Variants in FAM120B observed in about 807,000 individuals in gnomAD.
The protein encoded by FAM120B is constitutive coactivator of peroxisome proliferator-activated receptor gamma.
Under a neutral mutation model 96.3 loss-of-function variants are expected in FAM120B, and 83 were observed. The ratio of observed to expected loss-of-function variants is 0.86; its 90% CI spans 0.72 to 1.03. The LOEUF is 1.03. Among genes scored for constraint, FAM120B ranks in the 50% least tolerant of loss-of-function variants. The pLI is 0.00. For missense variants in FAM120B, 1,027 were observed against 1,121.2 expected, an observed-to-expected ratio of 0.92 and a Z score of 1.20; for synonymous variants, 407 against 402.7, an observed-to-expected ratio of 1.01 and a Z score of -0.13.
At chr6:170,361,439 A>G (rs1788455659) in intron 6 of FAM120B, among the ~76,000 whole-genome samples, 1 of 152,068 alleles carries the variant, frequency 6.6e-6, no homozygotes, top group Admixed American at 6.5e-5. Context: ...GGAAAGCAGT[A>G]TTACTTACAG....
intron 6 of FAM120B, among the ~76,000 whole-genome samples, chr6:170,374,633 C>T (rs769699554): frequency 6.6e-6 from 1 of 152,192 alleles, no homozygotes; most frequent in Non-Finnish European, 1.5e-5. Context: ...TCATTTAGGC[C>T]AGGTTATTTT....
Position 170,299,685 on chromosome 6 carries a change from A to G in FAM120B, c.48+4232A>G, listed in dbSNP as rs183849974. On this transcript the variant is annotated intron_variant, in intron 1 of 10. Transcript: ENST00000537664. ...TAGGAATTATTCCTTCTTGGATGGA[A>G]GCTAGAACAGGACACTTTTGGTTGT... 9.8e-5 allele frequency among the ~76,000 whole-genome samples: 15 copies of G among 152,380 alleles called. No individual in the cohort carries two copies. The East Asian group carries it at 2.7e-3, about 27-fold the overall frequency.
intron 6 of FAM120B, among the ~76,000 whole-genome samples, chr6:170,367,268 A>G (rs1788859206): frequency 6.6e-6 from 1 of 152,250 alleles, no homozygotes; most frequent in Admixed American, 6.5e-5. Flanking sequence ...ACTATCGCCC[A>G]TAGGCCACAT....
At chr6:170,322,620 G>A (rs1312456014) in intron 2 of FAM120B, among the ~76,000 whole-genome samples, 1 of 152,184 alleles carries the variant, frequency 6.6e-6, no homozygotes, top group African/African-American at 2.4e-5. Flanking sequence ...AGGCTTTATA[G>A]AGGGGCCTCA....
chr6:170,319,118 C>T lies in FAM120B; in HGVS notation c.1728C>T (p.Ile576=). ...TAACCATGGTTTCAGACACTGAAAT[C>T]TTAAAGGTATGTGTATCTGCCCAGC... ...QQVTMVSDTE[I]LKVARTHHVQ... Residue 576 remains isoleucine (I), a synonymous_variant, in exon 2 of 11, where the codon ATC becomes ATT. Coordinates refer to ENST00000476287, the MANE Select transcript of FAM120B (RefSeq NM_032448.3). 1 of 1,557,714 alleles carries T rather than the reference C, an allele frequency of 6.4e-7. No homozygotes were observed. Among genetic ancestry groups the T allele is most frequent in the South Asian group, 1.2e-5 (1 of 83,782 alleles).
Position 170,333,260 on chromosome 6 carries a change from G to C in FAM120B, c.2017+2710G>C, listed in dbSNP as rs185824333. Among the ~76,000 whole-genome samples the C allele has an allele frequency of 3.3e-5, 5 of 150,706 alleles. No individual in the cohort carries two copies. The East Asian group carries it at 8.0e-4, about 24-fold the overall frequency. On this transcript the variant is annotated intron_variant, in intron 4 of 10. Transcript: ENST00000476287. ...TGGGAGGGAAAGAGGTGATTAGATGGGATTCCTGCCCTTATAAAAGAGGCC... is the reference window on the plus strand; with the variant it reads ...TGGGAGGGAAAGAGGTGATTAGATGCGATTCCTGCCCTTATAAAAGAGGCC...
intron 5 of FAM120B, among the ~76,000 whole-genome samples, chr6:170,356,020 G>A: frequency 6.6e-6 from 1 of 152,172 alleles, no homozygotes; most frequent in Non-Finnish European, 1.5e-5. Flanking sequence ...GATGCTTGCT[G>A]ATCCTGTGTG....
At chr6:170,369,546 G>A (rs1789039746) in intron 6 of FAM120B, among the ~76,000 whole-genome samples, 1 of 152,210 alleles carries the variant, frequency 6.6e-6, no homozygotes, top group African/African-American at 2.4e-5. Context: ...TGGAGAGAGT[G>A]AGGAAGTCAA....
intron 6 of FAM120B, among the ~76,000 whole-genome samples, chr6:170,371,200 G>C (rs1486935165): frequency 6.6e-6 from 1 of 151,864 alleles, no homozygotes; most frequent in Non-Finnish European, 1.5e-5. Context: ...TTCTGCCTCT[G>C]TAGATTTCTT....
chr6:170,380,138 T>C (rs1789818201), intron 6 of FAM120B, among the ~76,000 whole-genome samples: 2 of 152,228 alleles, frequency 1.3e-5, no homozygotes, highest in African/African-American at 2.4e-5. Context: ...CTTAACATAG[T>C]GTTCTGCACT....
intron 4 of FAM120B, among the ~76,000 whole-genome samples, chr6:170,336,884 G>A (rs889756014): frequency 6.6e-6 from 1 of 152,122 alleles, no homozygotes; most frequent in Admixed American, 6.6e-5. Context: ...ATTGATTTTT[G>A]TATGCTGAGA....
chr6:170,363,552 T>C lies in FAM120B; in HGVS notation c.2283+5234T>C, dbSNP rs911045622. Reference sequence around the variant, plus strand: ...CATAGAGTGTGATGACTGATCATTGTCTATGCCAGTAGCAGCTTTTAGTGA... The same window carrying C: ...CATAGAGTGTGATGACTGATCATTGCCTATGCCAGTAGCAGCTTTTAGTGA... On this transcript the variant is annotated intron_variant, in intron 6 of 10. Coordinates refer to ENST00000476287, the MANE Select transcript of FAM120B (RefSeq NM_032448.3). This position sits in a 1 kb window ranked among gnomAD's most constrained non-coding sequence, Gnocchi z 4.5. 1.3e-5 allele frequency among the ~76,000 whole-genome samples: 2 copies of C among 152,246 alleles called. No homozygotes were observed. The highest frequency in any genetic ancestry group is 1.3e-4 in the Admixed American group (2 of 15,290).
intron 5 of FAM120B, among the ~76,000 whole-genome samples, chr6:170,353,775 CACAA>C (rs1469887612): frequency 6.6e-6 from 1 of 152,150 alleles, no homozygotes; most frequent in Admixed American, 6.5e-5. Context: ...TCAGAGAGGA[CACAA>C]ACAAATGGAG....
chr6:170,404,263 C>T, intron 9 of FAM120B: 1 of 354,092 alleles, frequency 2.8e-6, no homozygotes, highest in Middle Eastern at 7.8e-4. Flanking sequence ...AAGTCGTCAG[C>T]AATAGTAAAT....
intron 6 of FAM120B, among the ~76,000 whole-genome samples, chr6:170,378,443 G>A (rs1266600245): frequency 6.6e-6 from 1 of 152,120 alleles, no homozygotes; most frequent in Non-Finnish European, 1.5e-5. Flanking sequence ...CTGAGGACTT[G>A]TTTCCGTTCA....
intron 5 of FAM120B, among the ~76,000 whole-genome samples, chr6:170,352,495 G>A (rs949859539): frequency 2.6e-5 from 4 of 152,096 alleles, no homozygotes; most frequent in Non-Finnish European, 5.9e-5. Context: ...TTGCTGCTCG[G>A]CACTTACTCT....
At chr6:170,322,709 A>G (rs995180360) in intron 2 of FAM120B, among the ~76,000 whole-genome samples, 7 of 152,174 alleles carry the variant, frequency 4.6e-5, no homozygotes, top group African/African-American at 1.4e-4. Context: ...CAGTATGGCA[A>G]TGGTGTGAAG....
chr6:170,398,200 G>C (rs972208420), intron 9 of FAM120B, among the ~76,000 whole-genome samples: 2 of 152,240 alleles, frequency 1.3e-5, no homozygotes, highest in Non-Finnish European at 2.9e-5. Context: ...TTTCCATCAG[G>C]CATCTGGCCT....
At chr6:170,376,522 G>C (rs753810582) in intron 6 of FAM120B, among the ~76,000 whole-genome samples, 13 of 152,122 alleles carry the variant, frequency 8.5e-5, no homozygotes, top group Non-Finnish European at 1.9e-4. Context: ...AGGAATGGTA[G>C]AGCAGAGAGC....
Sources: gnomAD v4.1 joint callset for allele counts (sites outside exome capture counted in the v4.1 genomes callset) on GRCh38, gnomAD v4.1.1 for gene constraint, Gnocchi (gnomAD v3.1) non-coding constraint, MANE v1.5 for transcripts, NCBI Gene and HGNC (gene_info 2026-07-23, HGNC 2026-07-21) for gene names.